PARD3B: variants seen among roughly 807,000 people sequenced by gnomAD.
PARD3B encodes par-3 family cell polarity regulator beta, also known as partitioning defective 3 homolog B.
A neutral mutation model predicts 130.2 loss-of-function variants in PARD3B; 103 were observed. The observed-to-expected ratio is 0.79, with a 90% CI of 0.67 to 0.93. PARD3B has a LOEUF of 0.93. Ranked by LOEUF, PARD3B falls within the 40% of genes least tolerant of loss-of-function variation. The pLI is 0.00. For missense variants in PARD3B, 1,609 were observed against 1,499.2 expected (o/e 1.07, Z -1.21); for synonymous variants, 583 against 553.2 (o/e 1.05, Z -0.76).
In PARD3B at chr2:205,078,817, T is replaced by C. The variant is rs1041153357; in HGVS notation, c.505-25609T>C. Among the ~76,000 whole-genome samples the C allele has an allele frequency of 6.6e-6, 1 of 152,208 alleles. No homozygotes were observed. Among genetic ancestry groups the C allele is most frequent in the African/African-American group, 2.4e-5 (1 of 41,446 alleles). On this transcript the variant is annotated intron_variant, in intron 4 of 22. Coordinates refer to ENST00000406610, the MANE Select transcript of PARD3B (RefSeq NM_001302769.2). This position sits in a 1 kb window ranked among gnomAD's most constrained non-coding sequence, Gnocchi z 4.0. ...TTGCTCTGGGACAAGCCAGATGCCATGTAAGAAAGTCCATTTCTCTGAGTC... is the reference window on the plus strand; with the variant it reads ...TTGCTCTGGGACAAGCCAGATGCCACGTAAGAAAGTCCATTTCTCTGAGTC...
chr2:205,354,210 T>TA lies in PARD3B; in HGVS notation c.2631-46797dup, dbSNP rs542918462. ...CATGCCACCATGCTCAGCTAATTTT[T>TA]AAAAAATCTTTTAAAAGTTCCCCTG... On this transcript the variant is annotated intron_variant, in intron 18 of 22. Transcript: ENST00000406610. Among the ~76,000 whole-genome samples the TA allele has an allele frequency of 9.2e-5, 14 of 151,522 alleles. 1 individual carries two copies. In the South Asian group the frequency reaches 2.9e-3, roughly 32 times the overall value.
intron 2 of PARD3B, among the ~76,000 whole-genome samples, chr2:204,961,646 A>C (rs1690756766): frequency 6.6e-6 from 1 of 152,162 alleles, no homozygotes; most frequent in Non-Finnish European, 1.5e-5. Flanking sequence ...ATGCTCTTCA[A>C]CATTTTTAGA....
chr2:204,671,467 A>C (rs1056960057), intron 1 of PARD3B, among the ~76,000 whole-genome samples: 7 of 152,140 alleles, frequency 4.6e-5, no homozygotes, highest in South Asian at 2.1e-4. Context: ...TGGGGTCTCC[A>C]GACCCTGTCG....
chr2:205,556,376 C>T (rs1348218257), intron 22 of PARD3B, among the ~76,000 whole-genome samples: 1 of 152,148 alleles, frequency 6.6e-6, no homozygotes, highest in Admixed American at 6.5e-5. Context: ...AAATGCTCCA[C>T]AGCACATGGA....
chr2:204,704,773 T>G (rs1181137845), intron 2 of PARD3B, among the ~76,000 whole-genome samples: 1 of 152,216 alleles, frequency 6.6e-6, no homozygotes, highest in South Asian at 2.1e-4. Context: ...GCTACTCTTA[T>G]ATATTGAGAA....
rs1000954878 is a variant in PARD3B, at chr2:205,309,979, G to T, written c.2630+8278G>T. Among the ~76,000 whole-genome samples the T allele has an allele frequency of 1.3e-5, 2 of 151,640 alleles. No homozygotes were observed. The highest frequency in any genetic ancestry group is 4.9e-5 in the African/African-American group (2 of 41,234). ...ACTGTCTATATATGGTATGCAACAT[G>T]ATGTTTTAATATATATACACAATGT... On this transcript the variant is annotated intron_variant, in intron 18 of 22. Coordinates refer to ENST00000406610, the MANE Select transcript of PARD3B (RefSeq NM_001302769.2). This position sits in a 1 kb window ranked among gnomAD's most constrained non-coding sequence, Gnocchi z 4.7.
intron 1 of PARD3B, among the ~76,000 whole-genome samples, chr2:204,630,648 G>A (rs1035506688): frequency 6.6e-6 from 1 of 152,072 alleles, no homozygotes; most frequent in East Asian, 1.9e-4. Flanking sequence ...TTTGGAGCAC[G>A]ATAAAGAGTT....
At chr2:204,909,319 A>C (rs1037885975) in intron 2 of PARD3B, among the ~76,000 whole-genome samples, 1 of 152,198 alleles carries the variant, frequency 6.6e-6, no homozygotes, top group African/African-American at 2.4e-5. Context: ...ACACACACAT[A>C]CAGATGTTTA....
rs756699501 is a variant in PARD3B, at chr2:205,078,061, AT to A, written c.505-26361del. Among the ~76,000 whole-genome samples the A allele has an allele frequency of 3.3e-5, 5 of 152,188 alleles. No individual in the cohort carries two copies. The highest frequency in any genetic ancestry group is 7.4e-5 in the Non-Finnish European group (5 of 68,026). ...AATAATTAAGAATGACTTCATTGTG[AT>A]TTTAATCCCAGAGAGTCAGTTTATG... is the stretch of plus-strand genomic sequence containing the variant. On this transcript the variant is annotated intron_variant, in intron 4 of 22. Coordinates refer to ENST00000406610, the MANE Select transcript of PARD3B (RefSeq NM_001302769.2). This position sits in a 1 kb window ranked among gnomAD's most constrained non-coding sequence, Gnocchi z 4.0.
intron 1 of PARD3B, among the ~76,000 whole-genome samples, chr2:204,590,286 T>A (rs2033018861): frequency 6.6e-6 from 1 of 152,188 alleles, no homozygotes; most frequent in South Asian, 2.1e-4. Flanking sequence ...CCCATCCTTA[T>A]GACTTAATTA....
chr2:205,472,383 TAAA>T (rs199768926), intron 20 of PARD3B, among the ~76,000 whole-genome samples: 1 of 136,434 alleles, frequency 7.3e-6, no homozygotes, highest in Admixed American at 6.8e-5. Flanking sequence ...CAATAATTAG[TAAA>T]AAAAAGTTAA....
At chr2:204,729,935 T>C (rs1349453212) in intron 2 of PARD3B, among the ~76,000 whole-genome samples, 3 of 151,916 alleles carry the variant, frequency 2.0e-5, no homozygotes, top group Admixed American at 6.6e-5. Context: ...ATTCCTCCTT[T>C]TTTGTATCTT....
chr2:205,183,744 GT>G lies in PARD3B; in HGVS notation c.1925-2019del, dbSNP rs1453107722. 6.6e-6 allele frequency among the ~76,000 whole-genome samples: 1 copy of G among 150,732 alleles called. No individual in the cohort carries two copies. Among genetic ancestry groups the G allele is most frequent in the Non-Finnish European group, 1.5e-5 (1 of 67,672 alleles). On this transcript the variant is annotated intron_variant, in intron 13 of 22. Transcript: ENST00000406610. This position sits in a 1 kb window ranked among gnomAD's most constrained non-coding sequence, Gnocchi z 5.2. ...ACAGAACCAAGTTGTGTGTGTGTGT[GT>G]GTGTGTGTGTGTGTGTGTGTGTGTG...
intron 11 of PARD3B, among the ~76,000 whole-genome samples, chr2:205,163,825 C>CT (rs1198016360): frequency 1.3e-5 from 2 of 152,130 alleles, no homozygotes; most frequent in Non-Finnish European, 2.9e-5. Flanking sequence ...AAAGGGACAG[C>CT]TTTTTAAGGA....
intron 3 of PARD3B, among the ~76,000 whole-genome samples, chr2:204,999,448 G>C (rs1252840395): frequency 6.6e-6 from 1 of 152,068 alleles, no homozygotes; most frequent in Non-Finnish European, 1.5e-5. Flanking sequence ...TCACTAACTT[G>C]CTATAGAATG....
At chr2:204,568,774 G>A (rs922490574) in intron 1 of PARD3B, among the ~76,000 whole-genome samples, 1 of 152,040 alleles carries the variant, frequency 6.6e-6, no homozygotes, top group African/African-American at 2.4e-5. Flanking sequence ...GGCCAATATG[G>A]TGAAACCCTG....
At chr2:204,746,267 T>G (rs1469538220) in intron 2 of PARD3B, among the ~76,000 whole-genome samples, 2 of 151,638 alleles carry the variant, frequency 1.3e-5, no homozygotes, top group Non-Finnish European at 2.9e-5. Flanking sequence ...TTGCTGAGAA[T>G]GATGGTTTCC....
intron 1 of PARD3B, among the ~76,000 whole-genome samples, chr2:204,625,700 C>T (rs896123310): frequency 2.0e-5 from 3 of 152,150 alleles, no homozygotes; most frequent in South Asian, 4.1e-4. Flanking sequence ...CCAAGGAAGA[C>T]TGATCTAACC....
At chr2:205,052,291 A>G (rs1246310070) in intron 4 of PARD3B, among the ~76,000 whole-genome samples, 3 of 151,646 alleles carry the variant, frequency 2.0e-5, no homozygotes, top group African/African-American at 7.3e-5. Flanking sequence ...TGGATTCCTG[A>G]AAATTATAAT....
Sources: allele counts gnomAD v4.1 joint callset (sites outside exome capture counted in the v4.1 genomes callset), GRCh38; gene constraint gnomAD v4.1.1; non-coding constraint Gnocchi (gnomAD v3.1); transcripts MANE v1.5; gene names NCBI Gene and HGNC (gene_info 2026-07-23, HGNC 2026-07-21).